Variants in STAG1 observed in about 807,000 individuals in gnomAD.
STAG1 encodes the protein STAG1 cohesin complex component.
Under a neutral mutation model 170.9 loss-of-function variants are expected in STAG1, and 26 were observed. The observed-to-expected ratio is 0.15, with a 90% CI of 0.11 to 0.21. The LOEUF (loss-of-function observed/expected upper bound fraction) is 0.21, where lower values mean the gene tolerates loss of function less well. STAG1 is among the 10% of genes least tolerant of loss of function. STAG1 has a pLI of 1.00. For synonymous variants in STAG1, 514 were observed against 497.7 expected, an observed-to-expected ratio of 1.03 and a Z score of -0.44; for missense variants, 964 against 1,509.5, an observed-to-expected ratio of 0.64 and a Z score of 5.99.
chr3:136,687,571 A>C (rs913170705), intron 1 of STAG1, among the ~76,000 whole-genome samples: 1 of 152,118 alleles, frequency 6.6e-6, no homozygotes, highest in African/African-American at 2.4e-5. Flanking sequence ...AACATTAGTA[A>C]AAATTTGTTA....
intron 1 of STAG1, among the ~76,000 whole-genome samples, chr3:136,704,624 T>C (rs1201520185): frequency 6.6e-6 from 1 of 150,960 alleles, no homozygotes; most frequent in Non-Finnish European, 1.5e-5. Flanking sequence ...GCTCAGGGGT[T>C]CCAGACCAAC....
rs1213107162 is a variant in STAG1 at position 136,714,467 on chromosome 3, G to A, written c.-84+37728C>T. ...AATTAGGCCGGGCGTGGTGGCTCACGCCTGTAATCCCAGCGCTTTGGGAGG... is the reference window on the plus strand; with the variant it reads ...AATTAGGCCGGGCGTGGTGGCTCACACCTGTAATCCCAGCGCTTTGGGAGG... On this transcript the variant is annotated intron_variant, in intron 1 of 33. Coordinates refer to ENST00000383202, the MANE Select transcript of STAG1 (RefSeq NM_005862.3). 8.5e-5 allele frequency among the ~76,000 whole-genome samples: 13 copies of A among 152,112 alleles called. No homozygotes were observed. In the South Asian group the frequency reaches 2.1e-3, roughly 24 times the overall value.
chr3:136,368,994 T>C, intron 24 of STAG1, 114 bp downstream of exon 24: 5 of 1,102,390 alleles, frequency 4.5e-6, no homozygotes, highest in Non-Finnish European at 6.0e-6. Flanking sequence ...CCTGGCCAAC[T>C]TTTTTAAAAG....
At chr3:136,667,787 C>T (rs1336257696) in intron 1 of STAG1, among the ~76,000 whole-genome samples, 1 of 152,124 alleles carries the variant, frequency 6.6e-6, no homozygotes, top group Non-Finnish European at 1.5e-5. Flanking sequence ...TGAGCTACTG[C>T]CCCTGGCCCC....
chr3:136,344,066 CAT>C, intron 29 of STAG1, 60 bp from the exon 30 acceptor site: 8 of 1,336,756 alleles, frequency 6.0e-6, no homozygotes, highest in East Asian at 2.6e-5. Flanking sequence ...TGGTAGCAGT[CAT>C]AGCATAGACT....
At chr3:136,591,407 A>G (rs1331163703) in intron 4 of STAG1, 2 of 164,150 alleles carry the variant, frequency 1.2e-5, no homozygotes. Context: ...AAGCAAAAAA[A>G]TAATATTCCC....
chr3:136,392,829 T>G (rs1391516916), intron 22 of STAG1, among the ~76,000 whole-genome samples: 1 of 150,628 alleles, frequency 6.6e-6, no homozygotes, highest in Admixed American at 6.6e-5. Context: ...TATCTACAAG[T>G]GGTAAGAGTC....
At chr3:136,369,315 T>TTTAA (rs1937201071) in intron 23 of STAG1, 33 bp from the exon 24 acceptor site, 1 of 1,524,098 alleles carries the variant, frequency 6.6e-7, no homozygotes, top group Admixed American at 2.3e-5. Context: ...CAGCAAAATA[T>TTTAA]TACACAAATA....
chr3:136,338,244 TCTTCAGA>T lies in STAG1; in HGVS notation c.*3_*9del. 2 of 1,594,730 alleles carry T rather than the reference TCTTCAGA, an allele frequency of 1.3e-6. No homozygotes were observed. Among genetic ancestry groups the T allele is most frequent in the African/African-American group, 1.3e-5 (1 of 74,536 alleles). On this transcript the variant is annotated 3_prime_UTR_variant, in exon 34 of 34. Coordinates refer to ENST00000383202, the MANE Select transcript of STAG1 (RefSeq NM_005862.3). Reference sequence around the variant, plus strand: ...AATAGAGTTCCAGATTTGTAAATTTTCTTCAGACTTCAGAACATAGGCATTCCAAATC... The same window carrying T: ...AATAGAGTTCCAGATTTGTAAATTTTCTTCAGAACATAGGCATTCCAAATC...
chr3:136,581,487 C>T (rs1013920424), intron 4 of STAG1, among the ~76,000 whole-genome samples: 2 of 151,986 alleles, frequency 1.3e-5, no homozygotes, highest in Non-Finnish European at 1.5e-5. Flanking sequence ...ATCAAAGAAA[C>T]GCAAATAGAC....
intron 7 of STAG1, chr3:136,518,200 T>G: frequency 2.3e-6 from 1 of 429,186 alleles, no homozygotes; most frequent in Non-Finnish European, 4.1e-6. Context: ...TCTGATGACT[T>G]ATGAAGCTCT....
chr3:136,531,474 G>C (rs562326972), intron 6 of STAG1, among the ~76,000 whole-genome samples: 1 of 149,024 alleles, frequency 6.7e-6, no homozygotes, highest in Non-Finnish European at 1.5e-5. Context: ...TGTTTATTGC[G>C]GCATTATTCA....
chr3:136,528,127 T>C (rs981922556), intron 6 of STAG1, among the ~76,000 whole-genome samples: 2 of 152,128 alleles, frequency 1.3e-5, no homozygotes, highest in Non-Finnish European at 2.9e-5. Context: ...GACGGGGACA[T>C]TTAAGTCCGC....
chr3:136,561,817 A>T (rs201494059), intron 5 of STAG1, among the ~76,000 whole-genome samples: 91 of 147,038 alleles, frequency 6.2e-4, no homozygotes, highest in South Asian at 2.6e-3. Flanking sequence ...GGGTTAAAAC[A>T]TTTTTTTTTT....
intron 5 of STAG1, among the ~76,000 whole-genome samples, chr3:136,544,230 T>C (rs575276439): frequency 6.6e-6 from 1 of 152,258 alleles, no homozygotes; most frequent in Non-Finnish European, 1.5e-5. Flanking sequence ...GCAAACTTTC[T>C]TATCCTCATA....
At chr3:136,498,319 A>C (rs1933270123) in intron 9 of STAG1, among the ~76,000 whole-genome samples, 1 of 144,914 alleles carries the variant, frequency 6.9e-6, no homozygotes, top group Non-Finnish European at 1.5e-5. Flanking sequence ...ATATATACAC[A>C]TTACGGCTAG....
chr3:136,646,849 T>C (rs1232451888), intron 1 of STAG1, among the ~76,000 whole-genome samples: 2 of 151,680 alleles, frequency 1.3e-5, no homozygotes, highest in African/African-American at 2.4e-5. Flanking sequence ...GAGGTGGAGG[T>C]TGCAGTGAGC....
At chr3:136,624,103 G>C (rs1301647182) in intron 2 of STAG1, among the ~76,000 whole-genome samples, 3 of 151,122 alleles carry the variant, frequency 2.0e-5, no homozygotes, top group Non-Finnish European at 4.4e-5. Context: ...TCTTATATTG[G>C]AATCTTTTTT....
chr3:136,373,062 T>C (rs913619087), intron 23 of STAG1, among the ~76,000 whole-genome samples: 2 of 152,154 alleles, frequency 1.3e-5, no homozygotes, highest in African/African-American at 2.4e-5. Flanking sequence ...CAACTTCTTC[T>C]TGGTTTAGTG....
Sources: allele counts gnomAD v4.1 joint callset (sites outside exome capture counted in the v4.1 genomes callset), GRCh38; gene constraint gnomAD v4.1.1; transcripts MANE v1.5; gene names NCBI Gene and HGNC (gene_info 2026-07-23, HGNC 2026-07-21).